BHMT: variants seen among roughly 807,000 people sequenced by gnomAD.
BHMT encodes betaine--homocysteine S-methyltransferase 1.
A neutral mutation model predicts 49.5 loss-of-function variants in BHMT; 38 were observed. That is an observed-to-expected ratio of 0.77 (90% CI 0.59 to 1.01). BHMT has a LOEUF of 1.01. Ranked by LOEUF, BHMT falls within the 50% of genes least tolerant of loss-of-function variation. BHMT has a pLI of 0.00. For synonymous variants in BHMT, 166 were observed against 176.3 expected, an observed-to-expected ratio of 0.94 and a Z score of 0.46; for missense variants, 426 against 495.7, an observed-to-expected ratio of 0.86 and a Z score of 1.34.
At position 79,119,308 on chromosome 5, in the gene BHMT, G is replaced by C. The variant is rs771977077; in HGVS notation, c.216G>C (p.Gln72His). ...EFLRAGSNVM[Q>H]TFTFYASEDK... Reference sequence around the variant, plus strand: ...TCAGAGCTGGCTCAAACGTCATGCAGACCTTCACCTTCTATGCGAGTGAAG... The same window carrying C: ...TCAGAGCTGGCTCAAACGTCATGCACACCTTCACCTTCTATGCGAGTGAAG... The change falls in exon 3 of 8, where the codon CAG (glutamine) becomes CAC (histidine). Residue 72 changes from glutamine to histidine, a missense_variant. Physicochemically the swap from Gln to His is conservative, Grantham distance 24 (BLOSUM62 0). Transcript: ENST00000274353. 6.2e-7 allele frequency: 1 copy of C among 1,614,106 alleles called. No individual in the cohort carries two copies. Among genetic ancestry groups the C allele is most frequent in the Non-Finnish European group, 8.5e-7 (1 of 1,180,026 alleles).
In BHMT at chr5:79,111,868, T is replaced by C. The variant is rs753838323; in HGVS notation, c.-18T>C. 3 of 1,612,514 alleles carry C rather than the reference T, an allele frequency of 1.9e-6. No homozygotes were observed. Among genetic ancestry groups the C allele is most frequent in the South Asian group, 1.1e-5 (1 of 90,884 alleles). ...TCGGTCCGCATCCGTGTCGACCACCTGTCTGGACACCACGAAGATGCCACC... is the reference window on the plus strand; with the variant it reads ...TCGGTCCGCATCCGTGTCGACCACCCGTCTGGACACCACGAAGATGCCACC... On this transcript the variant is annotated 5_prime_UTR_variant, in exon 1 of 8. Coordinates refer to ENST00000274353, the MANE Select transcript of BHMT (RefSeq NM_001713.3).
chr5:79,129,860 T>C (rs1756610729), intron 7 of BHMT, among the ~76,000 whole-genome samples: 2 of 151,980 alleles, frequency 1.3e-5, no homozygotes, highest in Admixed American at 1.3e-4. Flanking sequence ...TGTACATATA[T>C]TAAAAGAAGA....
At chr5:79,115,611 T>C (rs1756376054) in intron 1 of BHMT, among the ~76,000 whole-genome samples, 156 bp from the exon 2 acceptor site, 1 of 152,220 alleles carries the variant, frequency 6.6e-6, no homozygotes, top group Non-Finnish European at 1.5e-5. Flanking sequence ...GTTTGTCTTA[T>C]AGATAGCCAT....
intron 7 of BHMT, among the ~76,000 whole-genome samples, chr5:79,130,365 T>C (rs1157842816): frequency 6.6e-6 from 1 of 152,194 alleles, no homozygotes; most frequent in African/African-American, 2.4e-5. Context: ...ACAAAAACCA[T>C]TGTTAATGAG....
In BHMT at chr5:79,131,088, T is replaced by C. The variant is rs1354060171; in HGVS notation, c.1193T>C (p.Phe398Ser). Residue 398 changes from phenylalanine (F) to serine (S), a missense_variant, in exon 8 of 8, where the codon TTT (phenylalanine) becomes TCT (serine). This residue lies in a region of BHMT where 73 missense variants were observed against 68.3 expected (regional missense o/e 1.07). Transcript: ENST00000274353. ...ACTGAGCAGCAGCTGAAAGAGCTCTTTGAAAAACAAAAATTCAAATCACAG... is the reference window on the plus strand; with the variant it reads ...ACTGAGCAGCAGCTGAAAGAGCTCTCTGAAAAACAAAAATTCAAATCACAG... ...ATTEQQLKEL[F>S]EKQKFKSQ 2.5e-6 allele frequency: 4 copies of C among 1,612,542 alleles called. No individual in the cohort carries two copies. The highest frequency in any genetic ancestry group is 3.4e-6 in the Non-Finnish European group (4 of 1,179,516).
chr5:79,113,961 G>T (rs1293796055), intron 1 of BHMT, among the ~76,000 whole-genome samples: 1 of 151,948 alleles, frequency 6.6e-6, no homozygotes, highest in Non-Finnish European at 1.5e-5. Context: ...AAACACACAC[G>T]TTCAATGGGA....
At chr5:79,112,981 G>A (rs899798399) in intron 1 of BHMT, among the ~76,000 whole-genome samples, 3 of 152,214 alleles carry the variant, frequency 2.0e-5, no homozygotes, top group African/African-American at 7.2e-5. Context: ...CAGGCCAACT[G>A]TATCCTCTGG....
At chr5:79,123,740 C>A (rs1446418842) in intron 5 of BHMT, among the ~76,000 whole-genome samples, 1 of 152,026 alleles carries the variant, frequency 6.6e-6, no homozygotes, top group Non-Finnish European at 1.5e-5. Context: ...TTAGTAGAGA[C>A]GGGGTTTCAC....
intron 1 of BHMT, among the ~76,000 whole-genome samples, chr5:79,115,303 GA>G (rs879528470): frequency 0.032 from 3,997 of 126,226 alleles, 138 homozygotes; most frequent in African/African-American, 0.096. Context: ...CTGTCTCTAA[GA>G]AAAAAAAAAA....
rs1756647148 is a variant in BHMT at position 79,131,805 on chromosome 5, G to A, written c.*689G>A. ...ATTCTTATAAGTAGGTCAGTCATAT[G>A]AGACCTGATCAATAAATATCCAATA... On this transcript the variant is annotated 3_prime_UTR_variant, in exon 8 of 8. Transcript: ENST00000274353. 6.6e-6 allele frequency: 1 copy of A among 152,184 alleles called. No homozygotes were observed. The highest frequency in any genetic ancestry group is 2.1e-4 in the South Asian group (1 of 4,828). The allele number at this position is 152,184 out of a possible 1,614,324, so 9.4% of individuals were successfully genotyped here. A position where few individuals can be genotyped will look rare whatever the true frequency, so the allele number is the denominator to read the frequency against.
chr5:79,121,796 A>T (rs1432399911), intron 5 of BHMT, among the ~76,000 whole-genome samples: 1 of 145,460 alleles, frequency 6.9e-6, no homozygotes. Flanking sequence ...GCCTGGGCGA[A>T]AGAGCGAGAT....
chr5:79,129,885 A>G (rs1362778205), intron 7 of BHMT, among the ~76,000 whole-genome samples: 1 of 152,210 alleles, frequency 6.6e-6, no homozygotes, highest in East Asian at 1.9e-4. Context: ...CAAGGTGGGC[A>G]TAGTGACTCA....
intron 5 of BHMT, among the ~76,000 whole-genome samples, chr5:79,122,181 TC>T (rs1756483544): frequency 6.6e-6 from 1 of 152,068 alleles, no homozygotes; most frequent in African/African-American, 2.4e-5. Flanking sequence ...GACCTCGTGA[TC>T]CACCCGCCTC....
rs1252048608 is a variant in BHMT, at chr5:79,119,333, G to C, written c.241G>C (p.Asp81His). 2 of 1,614,136 alleles carry C rather than the reference G, an allele frequency of 1.2e-6. No individual in the cohort carries two copies. Among genetic ancestry groups the C allele is most frequent in the Admixed American group, 1.7e-5 (1 of 60,008 alleles). The stretch of plus-strand genomic sequence containing the variant: ...GACCTTCACCTTCTATGCGAGTGAA[G>C]ACAAGCTGGAGAACAGGGGCAACTA... ...MQTFTFYASE[D>H]KLENRGNYVL... Residue 81 changes from aspartate (D) to histidine (H), a missense_variant, in exon 3 of 8, where the codon GAC (aspartate) becomes CAC (histidine). Transcript: ENST00000274353.
In BHMT at chr5:79,121,379, T is replaced by C; in HGVS notation, c.625+14T>C. 1.9e-6 allele frequency: 3 copies of C among 1,613,976 alleles called. No individual in the cohort carries two copies. Among genetic ancestry groups the C allele is most frequent in the Non-Finnish European group, 2.5e-6 (3 of 1,179,852 alleles). ...TGGTGAAAGCAGGTGATGATAGATT[T>C]CAATCAGTTTGTGATTAGTAAGTCT... On this transcript the variant is annotated intron_variant, in intron 5 of 7. Transcript: ENST00000274353.
chr5:79,124,614 T>A (rs1376578567), intron 5 of BHMT, among the ~76,000 whole-genome samples: 1 of 152,182 alleles, frequency 6.6e-6, no homozygotes, highest in Non-Finnish European at 1.5e-5. Context: ...TGGTAAATCA[T>A]CTGTGGTCCA....
Position 79,131,018 on chromosome 5 carries a change from G to T in BHMT, c.1123G>T (p.Val375Leu). Residue 375 changes from valine to leucine, a missense_variant, in exon 8 of 8, where the codon GTG (valine) becomes TTG (leucine). Transcript: ENST00000274353. ...AATGTCAAAGCCAGATGGCTGGGGA[G>T]TGACCAAAGGAACAGCCGAGCTGAT... ...PSMSKPDGWG[V>L]TKGTAELMQQ... is the part of the protein sequence containing the mutation. 6.2e-7 allele frequency: 1 copy of T among 1,614,002 alleles called. No individual in the cohort carries two copies. The highest frequency in any genetic ancestry group is 2.2e-5 in the East Asian group (1 of 44,836).
At chr5:79,121,580 A>T (rs1333720726) in intron 5 of BHMT, among the ~76,000 whole-genome samples, 2 of 152,204 alleles carry the variant, frequency 1.3e-5, no homozygotes, top group South Asian at 2.1e-4. Context: ...TTTGGGAGGC[A>T]GAGACGGGTG....
chr5:79,125,957 G>A (rs694290), intron 5 of BHMT, 89 bp from the exon 6 acceptor site: 945,883 of 1,371,326 alleles, frequency 0.69, 328,716 homozygotes, highest in South Asian at 0.82. Context: ...AATGAAAAAA[G>A]AACTTCCTGA....
Sources: allele counts gnomAD v4.1 joint callset (sites outside exome capture counted in the v4.1 genomes callset), GRCh38; gene constraint gnomAD v4.1.1; regional missense constraint gnomAD v4.1.1; transcripts MANE v1.5; gene names NCBI Gene and HGNC (gene_info 2026-07-23, HGNC 2026-07-21).